Variants in TJP1 observed in about 807,000 individuals in gnomAD.
The protein encoded by TJP1 is tight junction protein 1.
A neutral mutation model predicts 194.2 loss-of-function variants in TJP1; 43 were observed. The ratio of observed to expected loss-of-function variants is 0.22; its 90% CI spans 0.17 to 0.29. TJP1 has a LOEUF of 0.29. Among genes scored for constraint, TJP1 ranks in the 10% least tolerant of loss-of-function variants. The pLI is 1.00. For missense variants in TJP1, 1,971 were observed against 2,185.7 expected, an observed-to-expected ratio of 0.90 and a Z score of 1.96; for synonymous variants, 801 against 779.0, an observed-to-expected ratio of 1.03 and a Z score of -0.47.
At chr15:29,951,633 C>T (rs1032549553) in intron 2 of TJP1, among the ~76,000 whole-genome samples, 5 of 152,140 alleles carry the variant, frequency 3.3e-5, no homozygotes, top group Non-Finnish European at 7.3e-5. Flanking sequence ...ACATATTTCC[C>T]CCTCTAATGA....
intron 2 of TJP1, among the ~76,000 whole-genome samples, chr15:29,938,769 T>A (rs763809883): frequency 6.6e-6 from 1 of 152,194 alleles, no homozygotes; most frequent in Non-Finnish European, 1.5e-5. Flanking sequence ...TTAAAGTCCA[T>A]CCATCATAAA....
At chr15:29,741,006 A>ATTTT in intron 10 of TJP1, 2 of 173,334 alleles carry the variant, frequency 1.2e-5, no homozygotes, top group Non-Finnish European at 2.3e-5. Flanking sequence ...AGAAACACTG[A>ATTTT]TTTTTTTTTT....
At chr15:29,755,221 T>A (rs1300338495) in intron 8 of TJP1, among the ~76,000 whole-genome samples, 1 of 152,124 alleles carries the variant, frequency 6.6e-6, no homozygotes, top group Non-Finnish European at 1.5e-5. Context: ...ATAGCCTGGG[T>A]GTGTGGCAGG....
rs139876359 is a variant in TJP1 at position 29,941,331 on chromosome 15, C to T, written c.306+14901G>A. On this transcript the variant is annotated intron_variant, in intron 2 of 28. Transcript: ENST00000356107. ...GACTGCCTATGCACTGGTGAGGTTCCCTGGCCCTGCCTTAGTCCTCTCTCT... is the reference window on the plus strand; with the variant it reads ...GACTGCCTATGCACTGGTGAGGTTCTCTGGCCCTGCCTTAGTCCTCTCTCT... Among the ~76,000 whole-genome samples the T allele has an allele frequency of 1.1e-4, 17 of 152,306 alleles. No individual in the cohort carries two copies. In the East Asian group the frequency reaches 2.9e-3, roughly 26 times the overall value.
At chr15:29,722,567 T>G (rs1386209562) in intron 18 of TJP1, among the ~76,000 whole-genome samples, 3 of 152,154 alleles carry the variant, frequency 2.0e-5, no homozygotes, top group African/African-American at 7.2e-5. Context: ...AGCGGAGCCC[T>G]CATGGAGCAC....
chr15:29,762,688 G>T (rs1189140538), intron 5 of TJP1, among the ~76,000 whole-genome samples: 1 of 152,164 alleles, frequency 6.6e-6, no homozygotes, highest in Non-Finnish European at 1.5e-5. Context: ...CCATATTACT[G>T]AAAAGGAGAA....
At chr15:29,957,523 T>C (rs2055992684) in intron 1 of TJP1, among the ~76,000 whole-genome samples, 1 of 152,220 alleles carries the variant, frequency 6.6e-6, no homozygotes, top group Non-Finnish European at 1.5e-5. Context: ...GTGTGTATTG[T>C]CCTGCACCTT....
Position 29,718,088 on chromosome 15 carries a change from C to T in TJP1, c.3907G>A (p.Ala1303Thr), listed in dbSNP as rs200454300. The T allele has an allele frequency of 6.2e-6, 10 of 1,603,800 alleles. No homozygotes were observed. The highest frequency in any genetic ancestry group is 5.5e-5 in the South Asian group (5 of 90,486). The change falls in exon 22 of 28, where the codon GCT becomes ACT. Residue 1303 changes from alanine to threonine, a missense_variant. Physicochemically the swap from Ala to Thr is moderately conservative, Grantham distance 58. This residue lies in a region of TJP1 where 1,108 missense variants were observed against 1,128.5 expected (regional missense o/e 0.98). Coordinates refer to ENST00000614355, the MANE Select transcript of TJP1 (RefSeq NM_001330239.4). ...GTGGGTTTGGGACCAATGATGGGAG[C>T]ACCTGAAGGTTTAGATGCTACTTCT... is the stretch of plus-strand genomic sequence containing the variant. ...PPEVASKPSG[A>T]PIIGPKPTSQ...
In TJP1 at chr15:29,719,145, A is replaced by G. The variant is rs781273791; in HGVS notation, c.3004-7T>C. The G allele has an allele frequency of 1.0e-4, 164 of 1,567,470 alleles. No homozygotes were observed. Among genetic ancestry groups the G allele is most frequent in the Non-Finnish European group, 1.4e-4 (161 of 1,161,494 alleles). ...ATGGATCCTTTCTATACACCTGTATAAAAAATTCACATTTAAGGACAAAGT... is the reference window on the plus strand; with the variant it reads ...ATGGATCCTTTCTATACACCTGTATGAAAAATTCACATTTAAGGACAAAGT... On this transcript the variant is annotated splice_polypyrimidine_tract_variant and splice_region_variant and intron_variant, in intron 20 of 27. Transcript: ENST00000614355.
chr15:29,730,650 G>A (rs908574165), intron 15 of TJP1: 5 of 686,180 alleles, frequency 7.3e-6, no homozygotes, highest in African/African-American at 5.3e-5. Context: ...CCCCCGGACC[G>A]ACCAAAGCCC....
intron 2 of TJP1, among the ~76,000 whole-genome samples, chr15:29,945,847 C>T (rs2055263803): frequency 6.6e-6 from 1 of 152,142 alleles, no homozygotes; most frequent in Non-Finnish European, 1.5e-5. Context: ...TGTATATGTG[C>T]TTGCATGTTC....
chr15:29,721,803 T>C (rs1413603681), intron 18 of TJP1, among the ~76,000 whole-genome samples: 2 of 152,182 alleles, frequency 1.3e-5, no homozygotes, highest in African/African-American at 2.4e-5. Flanking sequence ...CAGACAGAGA[T>C]GAAGAACTTA....
At chr15:29,870,052 C>T (rs932115602) in intron 2 of TJP1, among the ~76,000 whole-genome samples, 1 of 151,936 alleles carries the variant, frequency 6.6e-6, no homozygotes, top group Non-Finnish European at 1.5e-5. Context: ...GTCTCGAACT[C>T]CTGACCTCAG....
At chr15:29,891,415 T>C (rs1476038083) in intron 2 of TJP1, among the ~76,000 whole-genome samples, 3 of 152,242 alleles carry the variant, frequency 2.0e-5, no homozygotes, top group African/African-American at 7.2e-5. Context: ...GGGGATTCCC[T>C]GAATGGTAGT....
chr15:29,867,963 G>A lies in TJP1; in HGVS notation c.307-67261C>T, dbSNP rs145694659. On this transcript the variant is annotated intron_variant, in intron 2 of 28. Transcript: ENST00000356107. ...CCCAGCTACTTGGGAGGCTGAGGTGGGAGGATGGCTTGAGCTCAGGAGGCA... is the reference window on the plus strand; with the variant it reads ...CCCAGCTACTTGGGAGGCTGAGGTGAGAGGATGGCTTGAGCTCAGGAGGCA... Among the ~76,000 whole-genome samples, 740 of 151,806 alleles carry A rather than the reference G, an allele frequency of 4.9e-3. 13 individuals carry two copies. Among genetic ancestry groups the A allele is most frequent in the African/African-American group, 0.017 (715 of 41,340 alleles).
chr15:29,929,392 C>T (rs1403017155), intron 2 of TJP1, among the ~76,000 whole-genome samples: 1 of 152,034 alleles, frequency 6.6e-6, no homozygotes, highest in Non-Finnish European at 1.5e-5. Flanking sequence ...GCCTGAAAAC[C>T]AATAATTTAA....
intron 2 of TJP1, among the ~76,000 whole-genome samples, chr15:29,908,233 G>T (rs535206155): frequency 6.6e-6 from 1 of 152,132 alleles, no homozygotes; most frequent in East Asian, 1.9e-4. Flanking sequence ...AATTTAAAAA[G>T]ACCTATTCCA....
At chr15:29,909,899 G>A (rs529628135) in intron 2 of TJP1, among the ~76,000 whole-genome samples, 1 of 152,142 alleles carries the variant, frequency 6.6e-6, no homozygotes, top group Non-Finnish European at 1.5e-5. Context: ...TGGAGGCAGA[G>A]GTGGGAAACC....
intron 2 of TJP1, among the ~76,000 whole-genome samples, chr15:29,891,123 T>C (rs1273432515): frequency 6.6e-6 from 1 of 152,182 alleles, no homozygotes; most frequent in Non-Finnish European, 1.5e-5. Context: ...CCTTCTTCCA[T>C]GCAATACTCT....
Sources: allele counts gnomAD v4.1 joint callset (sites outside exome capture counted in the v4.1 genomes callset), GRCh38; gene constraint gnomAD v4.1.1; regional missense constraint gnomAD v4.1.1; transcripts MANE v1.5; gene names NCBI Gene and HGNC (gene_info 2026-07-23, HGNC 2026-07-21).